Variants in EPSTI1 observed in about 807,000 individuals in gnomAD.
EPSTI1 encodes the protein epithelial-stromal interaction protein 1.
EPSTI1 carries 66 observed loss-of-function variants against 49.9 expected under a neutral mutation model. The ratio of observed to expected loss-of-function variants is 1.32; its 90% CI spans 1.08 to 1.62. The LOEUF (loss-of-function observed/expected upper bound fraction) is 1.62. Ranked by LOEUF, EPSTI1 falls within the 40% of genes most tolerant of loss-of-function variation. The probability of loss-of-function intolerance (pLI) is 0.00; values close to 1 mark genes in which losing one functional copy is unlikely to be tolerated. For synonymous variants in EPSTI1, 137 were observed against 130.7 expected, an observed-to-expected ratio of 1.05 and a Z score of -0.33; for missense variants, 394 against 365.5, an observed-to-expected ratio of 1.08 and a Z score of -0.64.
intron 2 of EPSTI1, 186 bp from the exon 3 acceptor site, chr13:42,969,363 T>C (rs1302000467): frequency 5.0e-6 from 3 of 603,496 alleles, no homozygotes; most frequent in Non-Finnish European, 8.6e-6. Context: ...GGCCCGGCCC[T>C]GTGGCACATT....
In EPSTI1 at chr13:42,919,321, G is replaced by T. The variant is rs759846215; in HGVS notation, c.658-1697C>A. ...TTACCCAGCTGTGATCCCTAGGCAG[G>T]ATAGGAAGTTTCTGTTCAAAAATAA... On this transcript the variant is annotated intron_variant, in intron 7 of 10. Transcript: ENST00000313624. The T allele has an allele frequency of 3.7e-6, 6 of 1,613,550 alleles. No individual in the cohort carries two copies. In the Admixed American group the frequency reaches 1.0e-4, roughly 27 times the overall value.
chr13:42,966,691 T>G (rs2039625304), intron 3 of EPSTI1, among the ~76,000 whole-genome samples: 1 of 74,858 alleles, frequency 1.3e-5, no homozygotes, highest in Non-Finnish European at 2.9e-5. Flanking sequence ...GGGAGGGAGG[T>G]GGGGGGGTCA....
At chr13:42,927,160 T>C (rs1452178379) in intron 6 of EPSTI1, among the ~76,000 whole-genome samples, 1 of 152,154 alleles carries the variant, frequency 6.6e-6, no homozygotes, top group Non-Finnish European at 1.5e-5. Flanking sequence ...GACCTAGAAA[T>C]GTCCTCAGTT....
At chr13:42,980,075 T>A (rs980247089) in intron 1 of EPSTI1, among the ~76,000 whole-genome samples, 7 of 152,130 alleles carry the variant, frequency 4.6e-5, no homozygotes, top group Non-Finnish European at 1.0e-4. Flanking sequence ...ATAGAATGCT[T>A]CACAATCTGG....
intron 6 of EPSTI1, chr13:42,934,868 TGAGA>T (rs56125742): frequency 0.42 from 84,891 of 201,288 alleles, 19,071 homozygotes; most frequent in Middle Eastern, 0.52. Flanking sequence ...TTCCAAATAA[TGAGA>T]GAAAGAAGAA....
At chr13:42,901,293 T>A (rs1434676802) in intron 8 of EPSTI1, among the ~76,000 whole-genome samples, 1 of 152,138 alleles carries the variant, frequency 6.6e-6, no homozygotes, top group African/African-American at 2.4e-5. Context: ...ATGAAAAGTA[T>A]ACAAAAAAAC....
chr13:42,900,186 T>G (rs1779132028), intron 9 of EPSTI1, 124 bp downstream of exon 9: 1 of 839,666 alleles, frequency 1.2e-6, no homozygotes, highest in African/African-American at 1.7e-5. Flanking sequence ...AATAACAGAT[T>G]TAAAGGTAAC....
chr13:42,980,081 T>G (rs192186580), intron 1 of EPSTI1, among the ~76,000 whole-genome samples: 2 of 152,198 alleles, frequency 1.3e-5, no homozygotes, highest in East Asian at 3.9e-4. Flanking sequence ...TGCTTCACAA[T>G]CTGGATGTAA....
chr13:42,976,107 A>G (rs1886150), intron 1 of EPSTI1, among the ~76,000 whole-genome samples: 21,748 of 152,288 alleles, frequency 0.14, 1,716 homozygotes, highest in African/African-American at 0.2. Flanking sequence ...AGACACTGGC[A>G]GAAGACATGA....
rs1350003319 is a variant in EPSTI1 at position 42,888,043 on chromosome 13, T to C, written c.*451A>G. On this transcript the variant is annotated 3_prime_UTR_variant, in exon 11 of 11. Coordinates refer to ENST00000313624, the MANE Select transcript of EPSTI1 (RefSeq NM_033255.5). ...TGTGTAAAAGAATATAAGACCTTTTTCTTTTGTACATATTTGTACCATAAA... is the reference window on the plus strand; with the variant it reads ...TGTGTAAAAGAATATAAGACCTTTTCCTTTTGTACATATTTGTACCATAAA... 1 of 428,640 alleles carries C rather than the reference T, an allele frequency of 2.3e-6. No individual in the cohort carries two copies. The highest frequency in any genetic ancestry group is 2.0e-5 in the African/African-American group (1 of 49,194). 26.6% of individuals were successfully genotyped at this position (428,640 alleles called of 1,614,324 possible).
rs1268266002 is a variant in EPSTI1, at chr13:42,905,022, T to C, written c.742-4639A>G. On this transcript the variant is annotated intron_variant, in intron 8 of 10. Coordinates refer to ENST00000313624, the MANE Select transcript of EPSTI1 (RefSeq NM_033255.5). ...ATATATTATTTCCTCATACCATCAG[T>C]AGGAATTTATTATCAGTGTGAGAGG... Among the ~76,000 whole-genome samples the C allele has an allele frequency of 2.6e-5, 4 of 152,162 alleles. No individual in the cohort carries two copies. In the East Asian group the frequency reaches 7.7e-4, roughly 29 times the overall value.
chr13:42,964,185 G>T, intron 3 of EPSTI1, 46 bp from the exon 4 acceptor site: 1 of 1,506,160 alleles, frequency 6.6e-7, no homozygotes, highest in Non-Finnish European at 9.2e-7. Context: ...ATATTAAGCT[G>T]AAATGTCAGC....
At position 42,922,666 on chromosome 13, in the gene EPSTI1, G is replaced by A. The variant is rs2153420523; in HGVS notation, c.657+3670C>T. On this transcript the variant is annotated intron_variant, in intron 7 of 10. Coordinates refer to ENST00000313624, the MANE Select transcript of EPSTI1 (RefSeq NM_033255.5). The surrounding 1 kb of genome is among the most constrained non-coding windows in gnomAD (Gnocchi z 4.8). ...CAGCAGCAAAGGGAAGTGTTCAAAT[G>A]TTGCGGTGGAAGTGGGATTCAAGCG... Among the ~76,000 whole-genome samples the A allele has an allele frequency of 6.6e-6, 1 of 152,334 alleles. No homozygotes were observed. Among genetic ancestry groups the A allele is most frequent in the African/African-American group, 2.4e-5 (1 of 41,576 alleles).
intron 10 of EPSTI1, among the ~76,000 whole-genome samples, 193 bp downstream of exon 10, chr13:42,894,816 G>A (rs1865068685): frequency 6.6e-6 from 1 of 152,106 alleles, no homozygotes; most frequent in African/African-American, 2.4e-5. Flanking sequence ...GCTGAAATCA[G>A]GACTTTCTCC....
intron 6 of EPSTI1, among the ~76,000 whole-genome samples, chr13:42,947,033 T>A (rs2038937208): frequency 6.6e-6 from 1 of 152,096 alleles, no homozygotes; most frequent in South Asian, 2.1e-4. Context: ...CACAGATAAG[T>A]AAAACACTAC....
intron 8 of EPSTI1, among the ~76,000 whole-genome samples, chr13:42,903,332 G>A (rs1407214799): frequency 6.6e-6 from 1 of 152,086 alleles, no homozygotes; most frequent in African/African-American, 2.4e-5. Flanking sequence ...CAAAAAATGA[G>A]AAAGAACCAG....
At chr13:42,918,942 G>A (rs1425363863) in intron 7 of EPSTI1, among the ~76,000 whole-genome samples, 2 of 152,082 alleles carry the variant, frequency 1.3e-5, no homozygotes, top group Non-Finnish European at 2.9e-5. Context: ...AGGGAAGAAG[G>A]GAGGGAGGGA....
At chr13:42,949,578 C>T (rs945561462) in intron 6 of EPSTI1, among the ~76,000 whole-genome samples, 2 of 120,540 alleles carry the variant, frequency 1.7e-5, no homozygotes, top group African/African-American at 6.4e-5. Context: ...GGCAACAGAA[C>T]AAGACTCCAT....
intron 10 of EPSTI1, among the ~76,000 whole-genome samples, chr13:42,892,361 G>A (rs949863645): frequency 6.6e-6 from 1 of 152,214 alleles, no homozygotes; most frequent in Non-Finnish European, 1.5e-5. Context: ...GGAGACTACT[G>A]CAAGCATCTG....
Sources: gnomAD v4.1 joint callset for allele counts (sites outside exome capture counted in the v4.1 genomes callset) on GRCh38, gnomAD v4.1.1 for gene constraint, Gnocchi (gnomAD v3.1) non-coding constraint, MANE v1.5 for transcripts, NCBI Gene and HGNC (gene_info 2026-07-23, HGNC 2026-07-21) for gene names.